The following MAD2L1BP variants were observed in gnomAD, a reference collection of about 807,000 sequenced individuals.
MAD2L1BP encodes MAD2L1 binding protein, also known as MAD2L1-binding protein.
In MAD2L1BP, 22 loss-of-function variants were observed where a neutral mutation model predicts 28.4. The ratio of observed to expected loss-of-function variants is 0.77; its 90% CI spans 0.55 to 1.10. MAD2L1BP has a LOEUF of 1.10. Among genes scored for constraint, MAD2L1BP ranks in the 50% least tolerant of loss-of-function variants. The probability of loss-of-function intolerance (pLI) is 0.00; values close to 1 mark genes in which losing one functional copy is unlikely to be tolerated. For missense variants in MAD2L1BP, 325 were observed against 350.5 expected, an observed-to-expected ratio of 0.93 and a Z score of 0.58; for synonymous variants, 146 against 133.7, an observed-to-expected ratio of 1.09 and a Z score of -0.63.
chr6:43,635,831 G>A (rs1770176179), upstream of MAD2L1BP: 1 of 1,441,142 alleles, frequency 6.9e-7, no homozygotes, highest in Middle Eastern at 2.5e-4. Flanking sequence ...GATGCCCCGC[G>A]AGACCTTTAT....
Position 43,640,018 on chromosome 6 carries a change from C to T in MAD2L1BP, c.313-3C>T. On this transcript the variant is annotated splice_polypyrimidine_tract_variant and splice_region_variant and intron_variant, in intron 2 of 2. Coordinates refer to ENST00000372171, the MANE Select transcript of MAD2L1BP (RefSeq NM_014628.3). ...TCTCTCCCACCATTCTTTGTCCTCA[C>T]AGGCAGAGGAGATGCTGAAGAAGAA... is the stretch of plus-strand genomic sequence containing the variant. 6.6e-7 allele frequency: 1 copy of T among 1,517,336 alleles called. No homozygotes were observed. The highest frequency in any genetic ancestry group is 8.8e-7 in the Non-Finnish European group (1 of 1,130,994). 94.0% of individuals were successfully genotyped at this position (1,517,336 alleles called of 1,614,324 possible). A position where few individuals can be genotyped will look rare whatever the true frequency, so the allele number is the denominator to read the frequency against.
upstream of MAD2L1BP, among the ~76,000 whole-genome samples, chr6:43,632,563 C>A (rs1247494862): frequency 1.3e-5 from 2 of 151,874 alleles, no homozygotes; most frequent in Non-Finnish European, 2.9e-5. Flanking sequence ...CCAGCCAGAT[C>A]CAGTATTTTA....
chr6:43,639,371 C>A (rs1403782574), intron 2 of MAD2L1BP, among the ~76,000 whole-genome samples: 1 of 152,168 alleles, frequency 6.6e-6, no homozygotes, highest in African/African-American at 2.4e-5. Flanking sequence ...GATCTCCTGA[C>A]CTTGTGATCC....
At position 43,640,405 on chromosome 6, in the gene MAD2L1BP, C is replaced by T. The variant is rs761873504; in HGVS notation, c.697C>T (p.Arg233Ter). Reference protein sequence around the residue: ...EDWFRPKLNYRVPSRGHKLTV... With the variant: ...EDWFRPKLNY ...TTGGTTTCGACCCAAGCTCAACTAT[C>T]GAGTGCCCAGCCGGGGCCATAAACT... The change falls in exon 3 of 3, where the codon CGA becomes TGA. Residue 233 changes from arginine (R) to a stop codon, truncating the protein, a stop_gained. Transcript: ENST00000372171. LOFTEE classifies it high-confidence loss of function. 6 of 1,613,866 alleles carry T rather than the reference C, an allele frequency of 3.7e-6. No individual in the cohort carries two copies. Among genetic ancestry groups the T allele is most frequent in the East Asian group, 2.2e-5 (1 of 44,898 alleles).
At chr6:43,638,006 C>T (rs1204412195) in intron 2 of MAD2L1BP, among the ~76,000 whole-genome samples, 2 of 152,194 alleles carry the variant, frequency 1.3e-5, no homozygotes, top group Non-Finnish European at 2.9e-5. Flanking sequence ...TCAAGCGATT[C>T]TCCTGCCTCA....
chr6:43,634,220 CTTTT>C (rs751773637), upstream of MAD2L1BP, among the ~76,000 whole-genome samples: 1 of 103,662 alleles, frequency 9.6e-6, no homozygotes, highest in Non-Finnish European at 1.9e-5. Context: ...TTCTTTTTTT[CTTTT>C]TTTTTTTTTT....
intron 2 of MAD2L1BP, among the ~76,000 whole-genome samples, chr6:43,637,284 C>T (rs536700897): frequency 2.6e-5 from 4 of 151,604 alleles, no homozygotes; most frequent in East Asian, 2.0e-4. Context: ...AGGCTGGTCT[C>T]GAACTCCTGA....
chr6:43,636,044 C>T (rs1770199431), intron 1 of MAD2L1BP, 123 bp downstream of exon 1: 5 of 1,008,014 alleles, frequency 5.0e-6, no homozygotes, highest in Non-Finnish European at 7.4e-6. Context: ...TCCGGGTGTC[C>T]TACACGGCTC....
chr6:43,640,697 C>T lies in MAD2L1BP; in HGVS notation c.*164C>T. ...CTCAGATTTCCTGATAGGCTGATGG[C>T]ATGTGGCTGTGACTGTGACTGTAAT... On this transcript the variant is annotated 3_prime_UTR_variant, in exon 3 of 3. Coordinates refer to ENST00000372171, the MANE Select transcript of MAD2L1BP (RefSeq NM_014628.3). 1.5e-6 allele frequency: 1 copy of T among 660,500 alleles called. No homozygotes were observed. The highest frequency in any genetic ancestry group is 2.5e-6 in the Non-Finnish European group (1 of 399,288). The allele number at this position is 660,500 out of a possible 1,614,324, so 40.9% of individuals were successfully genotyped here. A position where few individuals can be genotyped will look rare whatever the true frequency, so the allele number is the denominator to read the frequency against.
intron 2 of MAD2L1BP, 145 bp downstream of exon 2, chr6:43,636,791 T>A (rs1428154366): frequency 6.5e-6 from 6 of 917,468 alleles, no homozygotes; most frequent in Non-Finnish European, 9.9e-6. Context: ...CCCACTCTAG[T>A]CTTTGGTAGC....
At chr6:43,634,538 C>T (rs1232994544), upstream of MAD2L1BP, among the ~76,000 whole-genome samples, 1 of 151,972 alleles carries the variant, frequency 6.6e-6, no homozygotes, top group Non-Finnish European at 1.5e-5. Context: ...TGCTTGTTTT[C>T]TTGTCAGTCT....
At chr6:43,638,504 A>G (rs1431055297) in intron 2 of MAD2L1BP, among the ~76,000 whole-genome samples, 1 of 151,862 alleles carries the variant, frequency 6.6e-6, no homozygotes, top group South Asian at 2.1e-4. Context: ...GTGAATATTT[A>G]AGAATAAATT....
intron 1 of MAD2L1BP, chr6:43,629,826 G>C: frequency 6.5e-7 from 1 of 1,537,456 alleles, no homozygotes; most frequent in Admixed American, 2.0e-5. Flanking sequence ...AATTACGGCT[G>C]TTATTGTTGG....
chr6:43,637,862 G>GTGT (rs1770329960), intron 2 of MAD2L1BP, among the ~76,000 whole-genome samples: 2 of 151,752 alleles, frequency 1.3e-5, no homozygotes, highest in African/African-American at 2.4e-5. Flanking sequence ...GCCTCCCAAA[G>GTGT]TGCTGGGATT....
upstream of MAD2L1BP, among the ~76,000 whole-genome samples, chr6:43,632,969 C>T (rs1349303928): frequency 6.6e-6 from 1 of 151,370 alleles, no homozygotes; most frequent in Admixed American, 6.6e-5. Flanking sequence ...TTGCAGTGAG[C>T]CAAGATCACG....
At chr6:43,629,657 T>C in exon 1 of MAD2L1BP, 1 of 1,373,708 alleles carries the variant, frequency 7.3e-7, no homozygotes. Context: ...GCGCGGATCC[T>C]AGACAACAGG....
At chr6:43,635,762 C>T, upstream of MAD2L1BP, 5 of 1,106,764 alleles carry the variant, frequency 4.5e-6, no homozygotes, top group South Asian at 1.8e-5. Context: ...CACACTGCGG[C>T]GACGCCGCGC....
rs376252624 is a variant in MAD2L1BP at position 43,637,576 on chromosome 6, C to T, written c.312+930C>T. On this transcript the variant is annotated intron_variant, in intron 2 of 2. Transcript: ENST00000372171. ...CAGTAGCTGGGATTACAGGCATGCACCACCACACCCAGCTAATTTTTTGTT... is the reference window on the plus strand; with the variant it reads ...CAGTAGCTGGGATTACAGGCATGCATCACCACACCCAGCTAATTTTTTGTT... Among the ~76,000 whole-genome samples, 223 of 152,120 alleles carry T rather than the reference C, an allele frequency of 1.5e-3. 11 individuals carry two copies. The South Asian group carries it at 0.045, about 31-fold the overall frequency.
chr6:43,633,117 G>C (rs943402908), upstream of MAD2L1BP: 2 of 399,310 alleles, frequency 5.0e-6, no homozygotes, highest in Non-Finnish European at 9.8e-6. Context: ...CAAAATGCTG[G>C]GATTATAGGC....
Sources: gnomAD v4.1 joint callset for allele counts (sites outside exome capture counted in the v4.1 genomes callset) on GRCh38, gnomAD v4.1.1 for gene constraint, MANE v1.5 for transcripts, NCBI Gene and HGNC (gene_info 2026-07-23, HGNC 2026-07-21) for gene names.